Variants in GRM8 observed in about 807,000 individuals in gnomAD.
The protein encoded by GRM8 is metabotropic glutamate receptor 8.
In GRM8, 47 loss-of-function variants were observed where a neutral mutation model predicts 87.2. That is an observed-to-expected ratio of 0.54 (90% confidence interval 0.43 to 0.69). GRM8 has a LOEUF of 0.69. Ranked by LOEUF, GRM8 falls within the 30% of genes least tolerant of loss-of-function variation. The probability of loss-of-function intolerance (pLI) is 0.00; values close to 1 mark genes in which losing one functional copy is unlikely to be tolerated. For synonymous variants in GRM8, 396 were observed against 404.5 expected (o/e 0.98, Z 0.25); for missense variants, 1,019 against 1,139.2 (o/e 0.89, Z 1.52).
chr7:126,815,579 G>T (rs1358802462), intron 6 of GRM8, among the ~76,000 whole-genome samples: 3 of 152,008 alleles, frequency 2.0e-5, no homozygotes, highest in Non-Finnish European at 2.9e-5. Flanking sequence ...AATACTTCTT[G>T]CTGTACATGA....
chr7:126,528,299 G>C (rs1277691293), intron 9 of GRM8, among the ~76,000 whole-genome samples: 1 of 152,164 alleles, frequency 6.6e-6, no homozygotes, highest in Admixed American at 6.5e-5. Flanking sequence ...AGGTGAAATT[G>C]AGACAATTAC....
intron 9 of GRM8, among the ~76,000 whole-genome samples, chr7:126,495,513 CT>C (rs1374799619): frequency 6.6e-6 from 1 of 151,942 alleles, no homozygotes; most frequent in Non-Finnish European, 1.5e-5. Flanking sequence ...TTGAGCTGAA[CT>C]TGGAGTAGAA....
chr7:126,869,455 A>T (rs560437162), intron 6 of GRM8: 1 of 152,332 alleles, frequency 6.6e-6, no homozygotes, highest in Non-Finnish European at 1.5e-5. Flanking sequence ...TCCATCAGAG[A>T]AGTCACTATG....
chr7:126,984,536 G>T (rs984661059), intron 3 of GRM8, among the ~76,000 whole-genome samples: 5 of 152,184 alleles, frequency 3.3e-5, no homozygotes, highest in Non-Finnish European at 7.4e-5. Context: ...TCCTGCCCTT[G>T]AACACCAGAC....
At chr7:126,955,393 G>T (rs926549169) in intron 3 of GRM8, among the ~76,000 whole-genome samples, 1 of 152,044 alleles carries the variant, frequency 6.6e-6, no homozygotes, top group Non-Finnish European at 1.5e-5. Context: ...AACTAGAACT[G>T]CAGAAAAGTT....
chr7:126,500,884 C>CT (rs1809537232), intron 9 of GRM8, among the ~76,000 whole-genome samples: 1 of 151,852 alleles, frequency 6.6e-6, no homozygotes, highest in Admixed American at 6.6e-5. Context: ...TGAATGTTTG[C>CT]TTATTTTGTA....
intron 2 of GRM8, among the ~76,000 whole-genome samples, chr7:127,237,119 C>T (rs1051244801): frequency 3.3e-5 from 5 of 152,180 alleles, no homozygotes; most frequent in Admixed American, 2.0e-4. Context: ...AAGAGATTAC[C>T]AAGTCTCCAT....
At chr7:126,692,959 T>C (rs1022780114) in intron 7 of GRM8, among the ~76,000 whole-genome samples, 7 of 152,248 alleles carry the variant, frequency 4.6e-5, no homozygotes, top group African/African-American at 7.2e-5. Flanking sequence ...TTTATATAAC[T>C]ATCCTTATTA....
At chr7:126,635,238 G>GTT in intron 7 of GRM8, among the ~76,000 whole-genome samples, 1 of 151,854 alleles carries the variant, frequency 6.6e-6, no homozygotes, top group African/African-American at 2.4e-5. Context: ...TTGATCAAGA[G>GTT]TATAAAAAAT....
intron 2 of GRM8, among the ~76,000 whole-genome samples, chr7:127,132,567 A>C (rs1827744527): frequency 6.6e-6 from 1 of 152,050 alleles, no homozygotes; most frequent in Admixed American, 6.6e-5. Flanking sequence ...AAAGCGGTAC[A>C]CTGGAAATAG....
chr7:126,902,885 C>T (rs1190173493), intron 5 of GRM8, among the ~76,000 whole-genome samples: 1 of 152,148 alleles, frequency 6.6e-6, no homozygotes, highest in Non-Finnish European at 1.5e-5. Context: ...CCCACACCAC[C>T]ACCAGTACCC....
At chr7:126,851,108 C>T (rs192762523) in intron 6 of GRM8, among the ~76,000 whole-genome samples, 4 of 152,160 alleles carry the variant, frequency 2.6e-5, no homozygotes, top group Non-Finnish European at 5.9e-5. Flanking sequence ...TACACTTCCC[C>T]ATCTTTGTTT....
chr7:127,203,249 T>TA (rs1209224810), intron 2 of GRM8, among the ~76,000 whole-genome samples: 1 of 152,138 alleles, frequency 6.6e-6, no homozygotes, highest in African/African-American at 2.4e-5. Flanking sequence ...CACATGGATG[T>TA]AAAAATGGAA....
intron 3 of GRM8, among the ~76,000 whole-genome samples, chr7:126,991,447 G>A (rs533113842): frequency 6.6e-6 from 1 of 152,248 alleles, no homozygotes; most frequent in South Asian, 2.1e-4. Flanking sequence ...TTTCCATTAA[G>A]CCTCTTAAAA....
At chr7:127,040,002 GT>G (rs1818251785) in intron 3 of GRM8, among the ~76,000 whole-genome samples, 17 of 61,672 alleles carry the variant, frequency 2.8e-4, no homozygotes, top group South Asian at 1.0e-3. Flanking sequence ...GGAGGGGAGG[GT>G]GAGGAGGGAG....
intron 7 of GRM8, among the ~76,000 whole-genome samples, chr7:126,664,963 TATAA>T (rs981134609): frequency 9.2e-5 from 14 of 152,030 alleles, no homozygotes; most frequent in African/African-American, 3.4e-4. Flanking sequence ...GGGCAAAAGA[TATAA>T]ATAGACACTT....
chr7:127,246,707 TA>T (rs1587369971), intron 1 of GRM8, among the ~76,000 whole-genome samples: 1 of 152,180 alleles, frequency 6.6e-6, no homozygotes, highest in Admixed American at 6.5e-5. Context: ...TGTATCCCCC[TA>T]AATGTGCTCT....
chr7:127,249,702 A>G (rs552697574), intron 1 of GRM8, among the ~76,000 whole-genome samples: 25 of 152,262 alleles, frequency 1.6e-4, no homozygotes, highest in Admixed American at 1.3e-3. Context: ...CCTAGCAGAA[A>G]GAAAACCCTC....
chr7:126,878,144 C>A (rs996970078), intron 6 of GRM8, among the ~76,000 whole-genome samples: 1 of 152,176 alleles, frequency 6.6e-6, no homozygotes, highest in Non-Finnish European at 1.5e-5. Context: ...GACCACCCCA[C>A]AGCCCCACCA....
Sources: allele counts gnomAD v4.1 joint callset (sites outside exome capture counted in the v4.1 genomes callset), GRCh38; gene constraint gnomAD v4.1.1; transcripts MANE v1.5; gene names NCBI Gene and HGNC (gene_info 2026-07-23, HGNC 2026-07-21).